Variants in TBC1D8 observed in about 807,000 individuals in gnomAD.
TBC1D8 encodes the protein TBC1 domain family member 8.
Under a neutral mutation model 118.8 loss-of-function variants are expected in TBC1D8, and 65 were observed. The observed-to-expected ratio is 0.55, with a 90% CI of 0.45 to 0.67. TBC1D8 has a LOEUF of 0.67. Among genes scored for constraint, TBC1D8 ranks in the 30% least tolerant of loss-of-function variants. The pLI is 0.00. For synonymous variants in TBC1D8, 566 were observed against 595.8 expected, an observed-to-expected ratio of 0.95 and a Z score of 0.73; for missense variants, 1,376 against 1,471.2, an observed-to-expected ratio of 0.94 and a Z score of 1.06.
intron 19 of TBC1D8, among the ~76,000 whole-genome samples, chr2:101,009,369 G>GCA (rs1023135696): frequency 6.7e-6 from 1 of 148,802 alleles, no homozygotes; most frequent in Non-Finnish European, 1.5e-5. Context: ...TCGTGCCACT[G>GCA]CACTCTAGCC....
chr2:101,050,106 C>A (rs973523521), intron 5 of TBC1D8, among the ~76,000 whole-genome samples: 10 of 152,270 alleles, frequency 6.6e-5, no homozygotes, highest in South Asian at 4.2e-4. Flanking sequence ...GGATTACAGG[C>A]GTGAGCCACC....
At chr2:101,034,885 C>T (rs2105392894) in intron 9 of TBC1D8, among the ~76,000 whole-genome samples, 1 of 152,214 alleles carries the variant, frequency 6.6e-6, no homozygotes, top group Non-Finnish European at 1.5e-5. Flanking sequence ...GCTGCAGAAG[C>T]CAGGAGGCAG....
At chr2:101,034,987 G>A (rs754772842) in intron 9 of TBC1D8, among the ~76,000 whole-genome samples, 1 of 152,064 alleles carries the variant, frequency 6.6e-6, no homozygotes, top group Non-Finnish European at 1.5e-5. Context: ...TGAAGGCTGT[G>A]TCTGGGCATC....
intron 19 of TBC1D8, among the ~76,000 whole-genome samples, chr2:101,009,528 A>ACAT (rs370171391): frequency 6.6e-6 from 1 of 152,092 alleles, no homozygotes; most frequent in African/African-American, 2.4e-5. Flanking sequence ...TTTGTTTGAA[A>ACAT]CATCATCTAT....
chr2:101,066,159 T>C (rs1178529590), intron 2 of TBC1D8, among the ~76,000 whole-genome samples: 1 of 151,836 alleles, frequency 6.6e-6, no homozygotes, highest in Non-Finnish European at 1.5e-5. Context: ...TGGCGGGTGC[T>C]GGTAGTCCCA....
rs567876687 is a variant in TBC1D8, at chr2:101,105,604, A to C, written c.128-15240T>G. Among the ~76,000 whole-genome samples, 297 of 137,160 alleles carry C rather than the reference A, an allele frequency of 2.2e-3. 1 individual carries two copies. The highest frequency in any genetic ancestry group is 3.5e-3 in the Middle Eastern group (1 of 286). 90.0% of individuals were successfully genotyped at this position (137,160 alleles called of 152,430 possible). On this transcript the variant is annotated intron_variant, in intron 1 of 19. Coordinates refer to ENST00000409318, the MANE Select transcript of TBC1D8 (RefSeq NM_001330348.2). ...CTCTGTCTCAAATTAAAAAAAAAAA[A>C]AAAACATATATATATATATAGTTGT...
intron 1 of TBC1D8, among the ~76,000 whole-genome samples, chr2:101,122,128 A>G (rs1678142206): frequency 6.7e-6 from 1 of 148,678 alleles, no homozygotes; most frequent in South Asian, 2.1e-4. Context: ...CTGGAGTACA[A>G]TGGCACAATC....
In TBC1D8 at chr2:101,151,247, G is replaced by C. The variant is rs1457922361; in HGVS notation, c.7C>G (p.Leu3Val). Residue 3 changes from leucine to valine, a missense_variant, in exon 1 of 20, where the codon CTC becomes GTC. Leu to Val is a conservative substitution (Grantham distance 32). Coordinates refer to ENST00000409318, the MANE Select transcript of TBC1D8 (RefSeq NM_001330348.2). ...TTCAGCAGCACCTCCTCGGGCTTGA[G>C]CCACATCGCGGCGGTCCGGCCGCGC... Reference protein sequence around the residue: MWLKPEEVLLKNA... With the variant: MWVKPEEVLLKNA... The C allele has an allele frequency of 5.1e-6, 6 of 1,181,430 alleles. No homozygotes were observed. Among genetic ancestry groups the C allele is most frequent in the Non-Finnish European group, 6.4e-6 (6 of 936,718 alleles). The allele number at this position is 1,181,430 out of a possible 1,614,324, so 73.2% of individuals were successfully genotyped here.
chr2:101,118,654 G>A (rs1243726198), intron 1 of TBC1D8, among the ~76,000 whole-genome samples: 7 of 140,504 alleles, frequency 5.0e-5, no homozygotes, highest in South Asian at 2.3e-4. Flanking sequence ...CCGAGATGGC[G>A]CCACTGCACT....
intron 1 of TBC1D8, among the ~76,000 whole-genome samples, chr2:101,112,063 A>G (rs1444303933): frequency 6.6e-6 from 1 of 152,186 alleles, no homozygotes; most frequent in African/African-American, 2.4e-5. Flanking sequence ...CTCTGGGTCC[A>G]CATTGCTCAC....
intron 2 of TBC1D8, among the ~76,000 whole-genome samples, chr2:101,087,769 T>C (rs1158751200): frequency 6.6e-6 from 1 of 151,974 alleles, no homozygotes; most frequent in Non-Finnish European, 1.5e-5. Context: ...GAAAGTACAA[T>C]GTAAAACTAA....
rs569453903 is a variant in TBC1D8 at position 101,106,677 on chromosome 2, C to T, written c.128-16313G>A. Reference sequence around the variant, plus strand: ...CAGTGGTATGAAAGCAACACACATTCGGTAGAAACCATCCTTTGAATTTTG... The same window carrying T: ...CAGTGGTATGAAAGCAACACACATTTGGTAGAAACCATCCTTTGAATTTTG... On this transcript the variant is annotated intron_variant, in intron 1 of 19. Coordinates refer to ENST00000409318, the MANE Select transcript of TBC1D8 (RefSeq NM_001330348.2). 4.6e-5 allele frequency among the ~76,000 whole-genome samples: 7 copies of T among 152,294 alleles called. No individual in the cohort carries two copies. The South Asian group carries it at 1.0e-3, about 23-fold the overall frequency.
At chr2:101,112,328 T>C (rs1211300007) in intron 1 of TBC1D8, among the ~76,000 whole-genome samples, 2 of 152,212 alleles carry the variant, frequency 1.3e-5, no homozygotes, top group African/African-American at 4.8e-5. Context: ...CCAGCGAATC[T>C]ATCCACTTGG....
chr2:101,009,411 A>G (rs1187397837), intron 19 of TBC1D8, among the ~76,000 whole-genome samples: 1 of 84,868 alleles, frequency 1.2e-5, no homozygotes, highest in Non-Finnish European at 3.0e-5. Flanking sequence ...GTCTCCAAAA[A>G]AAAAAAAAAA....
chr2:101,070,133 T>G (rs1417680695), intron 2 of TBC1D8, among the ~76,000 whole-genome samples: 2 of 152,046 alleles, frequency 1.3e-5, no homozygotes, highest in Non-Finnish European at 2.9e-5. Flanking sequence ...GTCAGGCTGG[T>G]CTTGAACTCC....
intron 15 of TBC1D8, chr2:101,023,858 G>A (rs1265986660): frequency 5.3e-6 from 1 of 187,868 alleles, no homozygotes; most frequent in African/African-American, 2.4e-5. Context: ...AAAAACAAGG[G>A]CAGATGCTGT....
At chr2:101,115,132 TTCTC>T (rs897911895) in intron 1 of TBC1D8, among the ~76,000 whole-genome samples, 4 of 152,124 alleles carry the variant, frequency 2.6e-5, no homozygotes, top group African/African-American at 9.7e-5. Flanking sequence ...TGACAGCTCA[TTCTC>T]TCTCTAAGGC....
In TBC1D8 at chr2:101,032,293, G is replaced by A. The variant is rs189528688; in HGVS notation, c.1911C>T (p.Pro637=). ...LLVAVCERML[P]DYFNHRVIGA... ...CGATCACTCGGTGGTTGAAGTAATC[G>A]GGCAGCATCCGCTCACACACAGCAA... Residue 637 remains proline (P), a synonymous_variant, in exon 11 of 20, where the codon CCC becomes CCT. Transcript: ENST00000409318. 163 of 1,613,626 alleles carry A rather than the reference G, an allele frequency of 1.0e-4. No individual in the cohort carries two copies. The highest frequency in any genetic ancestry group is 1.3e-4 in the Non-Finnish European group (151 of 1,179,770).
intron 17 of TBC1D8, among the ~76,000 whole-genome samples, chr2:101,021,208 G>A (rs1017195595): frequency 1.3e-5 from 2 of 152,068 alleles, no homozygotes; most frequent in African/African-American, 2.4e-5. Context: ...TCTTGTTCCC[G>A]TCAATGTCAA....
Sources: allele counts gnomAD v4.1 joint callset (sites outside exome capture counted in the v4.1 genomes callset), GRCh38; gene constraint gnomAD v4.1.1; transcripts MANE v1.5; gene names NCBI Gene and HGNC (gene_info 2026-07-23, HGNC 2026-07-21).